RETREG1: variants seen among roughly 807,000 people sequenced by gnomAD.
RETREG1 encodes reticulophagy regulator 1.
Under a neutral mutation model 54.8 loss-of-function variants are expected in RETREG1, and 44 were observed. The observed-to-expected ratio is 0.80, with a 90% CI of 0.63 to 1.03. The LOEUF is 1.03. Ranked by LOEUF, RETREG1 falls within the 50% of genes least tolerant of loss-of-function variation. The probability of loss-of-function intolerance (pLI) is 0.00; values close to 1 mark genes in which losing one functional copy is unlikely to be tolerated. For synonymous variants in RETREG1, 217 were observed against 238.5 expected (o/e 0.91, Z 0.83); for missense variants, 554 against 605.1 (o/e 0.92, Z 0.89).
intron 2 of RETREG1, among the ~76,000 whole-genome samples, chr5:16,566,001 T>C (rs1425032242): frequency 6.6e-6 from 1 of 152,226 alleles, no homozygotes; most frequent in Non-Finnish European, 1.5e-5. Context: ...TCCTACTACA[T>C]GTAAAACACT....
chr5:16,500,970 G>C (rs887720793), intron 3 of RETREG1, among the ~76,000 whole-genome samples: 2 of 152,100 alleles, frequency 1.3e-5, no homozygotes, highest in Non-Finnish European at 2.9e-5. Flanking sequence ...TAGACCACAC[G>C]TTAAGGACCT....
chr5:16,475,666 T>C (rs1448854948), intron 8 of RETREG1, among the ~76,000 whole-genome samples: 1 of 152,204 alleles, frequency 6.6e-6, no homozygotes, highest in East Asian at 1.9e-4. Context: ...TTTTGGTTAA[T>C]ATTATCCAGC....
chr5:16,501,548 T>C (rs1291121934), intron 3 of RETREG1, among the ~76,000 whole-genome samples: 3 of 152,258 alleles, frequency 2.0e-5, no homozygotes, highest in East Asian at 3.9e-4. Flanking sequence ...TTTTTATTTA[T>C]TTATTTATTT....
rs1403913121 is a variant in RETREG1 at position 16,585,636 on chromosome 5, C to T, written c.321-13534G>A. 6.6e-6 allele frequency among the ~76,000 whole-genome samples: 1 copy of T among 152,124 alleles called. No individual in the cohort carries two copies. The highest frequency in any genetic ancestry group is 6.5e-5 in the Admixed American group (1 of 15,272). ...TAGGTACTAGGCCATTCTTGCATTGCCCTAAAGAAATACCTGAGACTGGGT... is the reference window on the plus strand; with the variant it reads ...TAGGTACTAGGCCATTCTTGCATTGTCCTAAAGAAATACCTGAGACTGGGT... On this transcript the variant is annotated intron_variant, in intron 1 of 8. Transcript: ENST00000306320. This position sits in a 1 kb window ranked among gnomAD's most constrained non-coding sequence, Gnocchi z 4.5.
intron 3 of RETREG1, among the ~76,000 whole-genome samples, chr5:16,546,414 T>TAG (rs1308720625): frequency 6.6e-6 from 1 of 152,232 alleles, no homozygotes; most frequent in Non-Finnish European, 1.5e-5. Flanking sequence ...GCCATCCTCC[T>TAG]GCCTTGGCCT....
At chr5:16,497,011 T>A (rs767929520) in intron 3 of RETREG1, among the ~76,000 whole-genome samples, 2 of 152,128 alleles carry the variant, frequency 1.3e-5, no homozygotes, top group African/African-American at 2.4e-5. Context: ...TGTCATAGGT[T>A]CAGACACATG....
At chr5:16,498,278 AG>A (rs1739552956) in intron 3 of RETREG1, among the ~76,000 whole-genome samples, 1 of 152,252 alleles carries the variant, frequency 6.6e-6, no homozygotes, top group Non-Finnish European at 1.5e-5. Flanking sequence ...CCGAGGCTAT[AG>A]GGTACAACCT....
At chr5:16,502,179 C>T (rs545329228) in intron 3 of RETREG1, among the ~76,000 whole-genome samples, 4 of 151,252 alleles carry the variant, frequency 2.6e-5, no homozygotes, top group East Asian at 2.0e-4. Context: ...AGGATGGTCT[C>T]GATCTCCTGA....
chr5:16,584,192 A>T (rs903394419), intron 1 of RETREG1, among the ~76,000 whole-genome samples: 29 of 152,172 alleles, frequency 1.9e-4, no homozygotes, highest in African/African-American at 7.0e-4. Flanking sequence ...TAGTGCACAC[A>T]GCTCCAGTGA....
At chr5:16,535,664 A>G (rs7708667) in intron 3 of RETREG1, among the ~76,000 whole-genome samples, 7,655 of 65,796 alleles carry the variant, frequency 0.12, 73 homozygotes, top group East Asian at 0.22. Context: ...CTGCCTTCAC[A>G]AAGTGGGAGC....
In RETREG1 at chr5:16,616,898, G is replaced by C; in HGVS notation, c.74C>G (p.Pro25Arg). ...PAPAAEEQAP[P>R]SPPPPQASPA... ...GGATGCCTGGGGCGGTGGCGGCGACGGCGGCGCCTGCTCCTCGGCGGCAGG... is the reference window on the plus strand; with the variant it reads ...GGATGCCTGGGGCGGTGGCGGCGACCGCGGCGCCTGCTCCTCGGCGGCAGG... Residue 25 changes from proline (P) to arginine (R), a missense_variant, in exon 1 of 9, where the codon CCG (proline) becomes CGG (arginine). By Grantham distance (103) the Pro-to-Arg change is moderately radical. This residue lies in a region of RETREG1 where 175 missense variants were observed against 142.1 expected (regional missense o/e 1.23). Transcript: ENST00000306320. The C allele has an allele frequency of 6.7e-7, 1 of 1,481,694 alleles. No homozygotes were observed. The highest frequency in any genetic ancestry group is 8.9e-7 in the Non-Finnish European group (1 of 1,123,530). 91.8% of individuals were successfully genotyped at this position (1,481,694 alleles called of 1,614,324 possible). A position where few individuals can be genotyped will look rare whatever the true frequency, so the allele number is the denominator to read the frequency against.
intron 3 of RETREG1, 54 bp downstream of exon 3, chr5:16,565,709 T>A: frequency 6.3e-7 from 1 of 1,586,242 alleles, no homozygotes; most frequent in Non-Finnish European, 8.7e-7. Flanking sequence ...GGTGGCTCAG[T>A]CCCCTCCCTC....
intron 3 of RETREG1, among the ~76,000 whole-genome samples, chr5:16,559,256 G>T (rs1456064825): frequency 1.3e-5 from 2 of 152,158 alleles, no homozygotes; most frequent in African/African-American, 4.8e-5. Flanking sequence ...GAGTTTGAGA[G>T]ATAGACAGGC....
At chr5:16,611,398 A>T (rs78839335) in intron 1 of RETREG1, among the ~76,000 whole-genome samples, 18 of 147,828 alleles carry the variant, frequency 1.2e-4, no homozygotes, top group African/African-American at 2.2e-4. Flanking sequence ...GAACTTGAAT[A>T]AAAAAAAAAA....
intron 3 of RETREG1, among the ~76,000 whole-genome samples, chr5:16,494,591 T>G (rs1402647786): frequency 6.6e-6 from 1 of 152,206 alleles, no homozygotes; most frequent in African/African-American, 2.4e-5. Context: ...GTGCCTTGCT[T>G]CTTCTTTGCC....
intron 3 of RETREG1, among the ~76,000 whole-genome samples, chr5:16,503,474 C>A (rs945853681): frequency 6.6e-6 from 1 of 151,952 alleles, no homozygotes; most frequent in East Asian, 1.9e-4. Context: ...CAAGACCAGC[C>A]TGACCAAGAT....
chr5:16,606,246 G>A (rs769105063), intron 1 of RETREG1, among the ~76,000 whole-genome samples: 25 of 152,116 alleles, frequency 1.6e-4, no homozygotes, highest in African/African-American at 2.4e-4. Context: ...ATTCGTGATC[G>A]CCACATTGGC....
In RETREG1 at chr5:16,503,677, AAG is replaced by A. The variant is rs1491071680; in HGVS notation, c.459-20207_459-20206del. Among the ~76,000 whole-genome samples, 296 of 102,154 alleles carry A rather than the reference AAG, an allele frequency of 2.9e-3. 8 individuals are homozygous for A. Among genetic ancestry groups the A allele is most frequent in the African/African-American group, 7.3e-3 (201 of 27,468 alleles). 67.0% of individuals were successfully genotyped at this position (102,154 alleles called of 152,430 possible). On this transcript the variant is annotated intron_variant, in intron 3 of 8. Coordinates refer to ENST00000306320, the MANE Select transcript of RETREG1 (RefSeq NM_001034850.3). Reference sequence around the variant, plus strand: ...GACTCCATCTCAAAAAAAAAAAAAAAAGAAAGAAAGAAAGAAAAGAAAACTAA... The same window carrying A: ...GACTCCATCTCAAAAAAAAAAAAAAAAAAGAAAGAAAGAAAAGAAAACTAA...
Position 16,473,692 on chromosome 5 carries a change from AATAT to A in RETREG1, c.*1045_*1048del, listed in dbSNP as rs536508523. 10 of 152,566 alleles carry A rather than the reference AATAT, an allele frequency of 6.6e-5. No individual in the cohort carries two copies. In the East Asian group the frequency reaches 1.4e-3, roughly 21 times the overall value. 9.5% of individuals were successfully genotyped at this position (152,566 alleles called of 1,614,324 possible). On this transcript the variant is annotated 3_prime_UTR_variant, in exon 9 of 9. Coordinates refer to ENST00000306320, the MANE Select transcript of RETREG1 (RefSeq NM_001034850.3). ...AGTGACCTTAAAAAGTTTAAAGGAAAATATATATATTCTATCTTCCCAATAAGAA... is the reference window on the plus strand; with the variant it reads ...AGTGACCTTAAAAAGTTTAAAGGAAAATATATTCTATCTTCCCAATAAGAA...
Sources: gnomAD v4.1 joint callset for allele counts (sites outside exome capture counted in the v4.1 genomes callset) on GRCh38, gnomAD v4.1.1 for gene constraint, gnomAD v4.1.1 regional missense constraint, Gnocchi (gnomAD v3.1) non-coding constraint, MANE v1.5 for transcripts, NCBI Gene and HGNC (gene_info 2026-07-23, HGNC 2026-07-21) for gene names.